Variants in TBC1D5 observed in about 807,000 individuals in gnomAD.
TBC1D5 encodes the protein TBC1 domain family, member 5.
A neutral mutation model predicts 100.3 loss-of-function variants in TBC1D5; 75 were observed. That is an observed-to-expected ratio of 0.75 (90% CI 0.62 to 0.91). TBC1D5 has a LOEUF of 0.91. Among genes scored for constraint, TBC1D5 ranks in the 40% least tolerant of loss-of-function variants. TBC1D5 has a pLI of 0.00. For missense variants in TBC1D5, 910 were observed against 942.4 expected, an observed-to-expected ratio of 0.97 and a Z score of 0.45; for synonymous variants, 323 against 325.6, an observed-to-expected ratio of 0.99 and a Z score of 0.09.
At chr3:17,520,235 T>G (rs1232271609) in intron 2 of TBC1D5, among the ~76,000 whole-genome samples, 1 of 152,276 alleles carries the variant, frequency 6.6e-6, no homozygotes, top group Non-Finnish European at 1.5e-5. Context: ...TAATTACCAG[T>G]TCAAACAACA....
chr3:17,640,593 T>A (rs1314069630), intron 1 of TBC1D5, among the ~76,000 whole-genome samples: 1 of 152,064 alleles, frequency 6.6e-6, no homozygotes, highest in Non-Finnish European at 1.5e-5. Flanking sequence ...TAAACTAATT[T>A]AGTCATTATA....
chr3:17,631,848 G>A (rs967270050), intron 1 of TBC1D5, among the ~76,000 whole-genome samples: 12 of 152,188 alleles, frequency 7.9e-5, no homozygotes, highest in African/African-American at 2.9e-4. Context: ...GCTGCTCATT[G>A]ACAATGTGCC....
chr3:17,317,756 T>A (rs2084877617), intron 13 of TBC1D5, among the ~76,000 whole-genome samples: 1 of 152,212 alleles, frequency 6.6e-6, no homozygotes, highest in Admixed American at 6.5e-5. Flanking sequence ...AATTTTTTGA[T>A]TTTTAAAAGT....
At chr3:17,584,465 G>A (rs899021413) in intron 2 of TBC1D5, among the ~76,000 whole-genome samples, 1 of 152,068 alleles carries the variant, frequency 6.6e-6, no homozygotes, top group African/African-American at 2.4e-5. Context: ...TTTAACTTCG[G>A]AAGGCTCTTA....
At chr3:17,593,737 C>T (rs1409990089) in intron 2 of TBC1D5, among the ~76,000 whole-genome samples, 2 of 152,188 alleles carry the variant, frequency 1.3e-5, no homozygotes. Flanking sequence ...ATGGAATTCA[C>T]TGGTCTTCCT....
chr3:17,726,337 T>C (rs1258740175), intron 1 of TBC1D5, among the ~76,000 whole-genome samples: 2 of 152,238 alleles, frequency 1.3e-5, no homozygotes, highest in Non-Finnish European at 2.9e-5. Context: ...CACCAGTTTT[T>C]AAGCATTCCT....
chr3:17,676,926 TG>T (rs1034744448), intron 1 of TBC1D5, among the ~76,000 whole-genome samples: 3 of 152,182 alleles, frequency 2.0e-5, no homozygotes, highest in African/African-American at 7.2e-5. Context: ...TAATAAATGG[TG>T]CTGGGAAAAC....
chr3:17,554,856 T>TC, intron 2 of TBC1D5, among the ~76,000 whole-genome samples: 2 of 151,958 alleles, frequency 1.3e-5, no homozygotes, highest in African/African-American at 4.8e-5. Flanking sequence ...CTTTTTTTTT[T>TC]TCTTTTTTTT....
chr3:17,246,394 C>A (rs927730555), intron 16 of TBC1D5, among the ~76,000 whole-genome samples: 1 of 152,086 alleles, frequency 6.6e-6, no homozygotes, highest in Non-Finnish European at 1.5e-5. Context: ...CAATCAAAAT[C>A]CCAACAATTT....
intron 15 of TBC1D5, among the ~76,000 whole-genome samples, chr3:17,271,794 C>T (rs565292713): frequency 5.9e-5 from 9 of 152,086 alleles, no homozygotes; most frequent in South Asian, 2.1e-4. Context: ...CCTAGTTTCT[C>T]GAGGGTTTTT....
At chr3:17,630,818 G>A (rs940045840) in intron 1 of TBC1D5, among the ~76,000 whole-genome samples, 5 of 150,650 alleles carry the variant, frequency 3.3e-5, no homozygotes, top group Non-Finnish European at 5.9e-5. Context: ...GGCCGATCAC[G>A]AGGTCAGGAG....
chr3:17,489,361 A>C (rs1268686679), intron 3 of TBC1D5, among the ~76,000 whole-genome samples: 1 of 152,168 alleles, frequency 6.6e-6, no homozygotes, highest in Non-Finnish European at 1.5e-5. Flanking sequence ...AAAATAAACA[A>C]TGCAATGCAG....
At chr3:17,284,116 ACACACACG>A (rs1176584077) in intron 15 of TBC1D5, among the ~76,000 whole-genome samples, 2 of 151,236 alleles carry the variant, frequency 1.3e-5, no homozygotes, top group Admixed American at 6.6e-5. Context: ...ACACACACAC[ACACACACG>A]TATTTTTAAT....
At chr3:17,215,055 G>C (rs2073461313) in intron 17 of TBC1D5, among the ~76,000 whole-genome samples, 1 of 152,038 alleles carries the variant, frequency 6.6e-6, no homozygotes, top group African/African-American at 2.4e-5. Flanking sequence ...GATCAGAACA[G>C]GTAGGGATTT....
chr3:17,232,771 C>T (rs752266855), intron 17 of TBC1D5, among the ~76,000 whole-genome samples: 2 of 151,918 alleles, frequency 1.3e-5, no homozygotes, highest in African/African-American at 4.8e-5. Context: ...TGTTCCACCC[C>T]CCCTAAAAAA....
chr3:17,520,342 G>C (rs2096050268), intron 2 of TBC1D5, among the ~76,000 whole-genome samples: 1 of 152,142 alleles, frequency 6.6e-6, no homozygotes, highest in Non-Finnish European at 1.5e-5. Context: ...GTAAGAGCTG[G>C]AAAGATAAGA....
At chr3:17,162,017 A>AT (rs2066108253) in intron 21 of TBC1D5, among the ~76,000 whole-genome samples, 1 of 148,748 alleles carries the variant, frequency 6.7e-6, no homozygotes, top group Admixed American at 6.6e-5. Flanking sequence ...GTGGCTTTTT[A>AT]TTTTTTAACT....
intron 1 of TBC1D5, among the ~76,000 whole-genome samples, chr3:17,664,752 TG>T (rs1444655016): frequency 6.6e-6 from 1 of 152,154 alleles, no homozygotes; most frequent in African/African-American, 2.4e-5. Flanking sequence ...ACACTACCAC[TG>T]TACCAGTTAA....
chr3:17,356,961 G>A (rs2091269498), intron 13 of TBC1D5, among the ~76,000 whole-genome samples: 1 of 149,562 alleles, frequency 6.7e-6, no homozygotes, highest in South Asian at 2.1e-4. Context: ...TTTTAAAAGT[G>A]GGGGTTGTGG....
Sources: allele counts gnomAD v4.1 joint callset (sites outside exome capture counted in the v4.1 genomes callset), GRCh38; gene constraint gnomAD v4.1.1; transcripts MANE v1.5; gene names NCBI Gene and HGNC (gene_info 2026-07-23, HGNC 2026-07-21).